Variants in FCHO1 observed in about 807,000 individuals in gnomAD.
The protein encoded by FCHO1 is F-BAR domain only protein 1.
In FCHO1, 45 loss-of-function variants were observed where a neutral mutation model predicts 114.4. The observed-to-expected ratio is 0.39, with a 90% CI of 0.31 to 0.50. The LOEUF (loss-of-function observed/expected upper bound fraction) is 0.50. FCHO1 is among the 20% of genes least tolerant of loss of function. The probability of loss-of-function intolerance (pLI) is 0.77; values close to 1 mark genes in which losing one functional copy is unlikely to be tolerated. For synonymous variants in FCHO1, 480 were observed against 488.9 expected, an observed-to-expected ratio of 0.98 and a Z score of 0.24; for missense variants, 1,042 against 1,209.6, an observed-to-expected ratio of 0.86 and a Z score of 2.06.
At chr19:17,788,248 TCCCCA>T in intron 28 of FCHO1, 31 bp from the exon 29 acceptor site, 1 of 520,216 alleles carries the variant, frequency 1.9e-6, no homozygotes, top group Non-Finnish European at 3.5e-6. Context: ...GTACCCCTCC[TCCCCA>T]CCCCTCCCCC....
upstream of FCHO1, among the ~76,000 whole-genome samples, chr19:17,748,508 G>GGC (rs1555710091): frequency 3.1e-5 from 2 of 63,762 alleles, no homozygotes; most frequent in Non-Finnish European, 6.6e-5. Flanking sequence ...GCCTGGACTT[G>GGC]GGGGGGGGGT....
At chr19:17,774,000 T>C (rs2092220640) in intron 11 of FCHO1, among the ~76,000 whole-genome samples, 2 of 151,250 alleles carry the variant, frequency 1.3e-5, no homozygotes, top group Admixed American at 6.6e-5. Flanking sequence ...AACCTCCGCC[T>C]CCTGGGTTCA....
chr19:17,750,825 T>C (rs2081738387), upstream of FCHO1, among the ~76,000 whole-genome samples: 3 of 148,860 alleles, frequency 2.0e-5, no homozygotes. Context: ...CCCCTTTCTT[T>C]TCTTTTTTTT....
At chr19:17,755,081 C>T in intron 3 of FCHO1, 37 bp from the exon 4 acceptor site, 7 of 1,348,808 alleles carry the variant, frequency 5.2e-6, no homozygotes, top group Non-Finnish European at 7.5e-6. Context: ...CCCACACTGG[C>T]AATGACTCTG....
At chr19:17,774,623 C>T in intron 13 of FCHO1, 145 bp downstream of exon 13, 5 of 645,150 alleles carry the variant, frequency 7.8e-6, no homozygotes, top group Non-Finnish European at 1.3e-5. Context: ...CTGAGCTAGA[C>T]CAGGAGTACC....
intron 3 of FCHO1, 188 bp downstream of exon 3, chr19:17,754,869 C>T (rs546753458): frequency 4.5e-5 from 20 of 446,138 alleles, no homozygotes; most frequent in Non-Finnish European, 8.3e-5. Context: ...CAGCTCTTGT[C>T]CCTCCACCTA....
chr19:17,754,959 C>A, intron 3 of FCHO1, 159 bp from the exon 4 acceptor site: 2 of 620,822 alleles, frequency 3.2e-6, no homozygotes, highest in Non-Finnish European at 2.9e-6. Flanking sequence ...GGGACCAGCA[C>A]TGGGGCTGAA....
In FCHO1 at chr19:17,775,063, C is replaced by T. The variant is rs372803308; in HGVS notation, c.928C>T (p.Leu310=). The T allele has an allele frequency of 4.4e-5, 71 of 1,613,438 alleles. No homozygotes were observed. In the Middle Eastern group the frequency reaches 9.9e-4, roughly 23 times the overall value. Residue 310 remains leucine (L), a synonymous_variant, in exon 14 of 29, where the codon CTG becomes TTG. Transcript: ENST00000596536. This position sits in a 1 kb window ranked among gnomAD's most constrained non-coding sequence, Gnocchi z 5.1. ...EPEPPAAVDF[L]EPDSGTCPEV... Reference sequence around the variant, plus strand: ...CTCTTCCTCCATCCCCAGAGATTTCCTGGAGCCCGATTCAGGGGTGAGTGA... The same window carrying T: ...CTCTTCCTCCATCCCCAGAGATTTCTTGGAGCCCGATTCAGGGGTGAGTGA...
rs550221693 is a variant in FCHO1, at chr19:17,788,280, A to G, written c.2648-4A>G. 10 of 734,100 alleles carry G rather than the reference A, an allele frequency of 1.4e-5. No homozygotes were observed. In the South Asian group the frequency reaches 1.4e-4, roughly 10 times the overall value. The allele number at this position is 734,100 out of a possible 1,614,324, so 45.5% of individuals were successfully genotyped here. On this transcript the variant is annotated splice_polypyrimidine_tract_variant and splice_region_variant and intron_variant, in intron 28 of 28. Transcript: ENST00000596536. ...CCCTCCCCCTCACAGCTGCACCCCC[A>G]CAGGGATGTACCTGGTGAGCTGCTG...
rs977363948 is a variant in FCHO1, at chr19:17,772,517, G to A, written c.655G>A (p.Ala219Thr). ...RHMKALLGSY[A>T]HSVEDTHVQI... ...CATGAAGGCACTGCTGGGCTCATAT[G>A]CTCACTCGGTGGAGGACACGCACGT... Residue 219 changes from alanine to threonine, a missense_variant, in exon 10 of 29, where the codon GCT becomes ACT. Physicochemically the swap from Ala to Thr is moderately conservative, Grantham distance 58. Transcript: ENST00000596536. The A allele has an allele frequency of 1.9e-6, 3 of 1,614,168 alleles. No homozygotes were observed. Among genetic ancestry groups the A allele is most frequent in the African/African-American group, 2.7e-5 (2 of 75,042 alleles).
Position 17,766,746 on chromosome 19 carries a change from A to C in FCHO1, c.272A>C (p.Lys91Thr), listed in dbSNP as rs966279633. The C allele has an allele frequency of 6.2e-7, 1 of 1,613,982 alleles. No homozygotes were observed. The highest frequency in any genetic ancestry group is 8.5e-7 in the Non-Finnish European group (1 of 1,180,008). Reference sequence around the variant, plus strand: ...CTGTGCCACCTGGAACTGACACGGAAGTTACAGGATCTCATCAAGGACGTT... The same window carrying C: ...CTGTGCCACCTGGAACTGACACGGACGTTACAGGATCTCATCAAGGACGTT... Reference protein sequence around the residue: ...LALCHLELTRKLQDLIKDVLR... With the variant: ...LALCHLELTRTLQDLIKDVLR... The change falls in exon 7 of 29, where the codon AAG becomes ACG. Residue 91 changes from lysine (K) to threonine (T), a missense_variant. Lys to Thr is a moderately conservative substitution (Grantham distance 78). This residue lies in a region of FCHO1 where 450 missense variants were observed against 564.1 expected (regional missense o/e 0.80). Transcript: ENST00000596536.
At chr19:17,771,428 G>A (rs1293380245) in intron 9 of FCHO1, among the ~76,000 whole-genome samples, 6 of 151,502 alleles carry the variant, frequency 4.0e-5, no homozygotes, top group African/African-American at 1.5e-4. Flanking sequence ...CAGCACTTTG[G>A]GAGGCCGAGG....
chr19:17,782,335 T>A (rs752707585), intron 23 of FCHO1, among the ~76,000 whole-genome samples: 3 of 152,066 alleles, frequency 2.0e-5, no homozygotes, highest in Admixed American at 6.6e-5. Context: ...CCCGAGTAAT[T>A]CTGGGATTAC....
chr19:17,754,472 G>T (rs530409016), intron 2 of FCHO1, 111 bp downstream of exon 2: 485 of 152,904 alleles, frequency 3.2e-3, no homozygotes, highest in Non-Finnish European at 5.7e-3. Flanking sequence ...ATAAGGTGAG[G>T]ACTGTCCTAG....
rs1288672771 is a variant in FCHO1, at chr19:17,783,057, C to T, written c.1978C>T (p.Pro660Ser). 1 of 1,614,032 alleles carries T rather than the reference C, an allele frequency of 6.2e-7. No homozygotes were observed. The highest frequency in any genetic ancestry group is 1.7e-5 in the Admixed American group (1 of 59,992). ...AACTGGGGAGCTGACCATGACCTTC[C>T]CTGCTGGCATCGTGCGTGTGTTCAG... ...RVTGELTMTF[P>S]AGIVRVFSGT... The change falls in exon 24 of 29, where the codon CCT (proline) becomes TCT (serine). Residue 660 changes from proline to serine, a missense_variant. By Grantham distance (74) the Pro-to-Ser change is moderately conservative. Coordinates refer to ENST00000596536, the MANE Select transcript of FCHO1 (RefSeq NM_015122.3).
rs112863484 is a variant in FCHO1, at chr19:17,784,631, G to A, written c.2227-94G>A. On this transcript the variant is annotated intron_variant, in intron 25 of 28. Transcript: ENST00000596536. The surrounding 1 kb of genome is among the most constrained non-coding windows in gnomAD (Gnocchi z 5.3). ...TGACTGGACCCCCTTGGGGCGGTGC[G>A]TGCATCGCAGGGTCAAGGTGGTTGA... 1.0e-2 allele frequency: 11,883 copies of A among 1,190,672 alleles called. 143 individuals are homozygous for A. The highest frequency in any genetic ancestry group is 0.053 in the African/African-American group (3,538 of 66,846). 73.8% of individuals were successfully genotyped at this position (1,190,672 alleles called of 1,614,324 possible). A position where few individuals can be genotyped will look rare whatever the true frequency, so the allele number is the denominator to read the frequency against.
intron 9 of FCHO1, 124 bp downstream of exon 9, chr19:17,771,020 G>T: frequency 1.4e-6 from 1 of 728,776 alleles, no homozygotes; most frequent in Non-Finnish European, 2.2e-6. Context: ...TTGGGAGGCC[G>T]AGGCGGGAGG....
intron 4 of FCHO1, chr19:17,758,739 G>T: frequency 6.6e-6 from 1 of 152,378 alleles, no homozygotes; most frequent in South Asian, 2.1e-4. Context: ...TTGGGAGGCT[G>T]AGATGGGAGG....
In FCHO1 at chr19:17,788,397, C is replaced by T. The variant is rs1275447842; in HGVS notation, c.*91C>T. On this transcript the variant is annotated 3_prime_UTR_variant, in exon 29 of 29. Transcript: ENST00000596536. Reference sequence around the variant, plus strand: ...CCTGCCGGACCCTGGGGCCTCCCACCCCAGCCTCCCTGAGGCCCATACTCC... The same window carrying T: ...CCTGCCGGACCCTGGGGCCTCCCACTCCAGCCTCCCTGAGGCCCATACTCC... 1.0e-6 allele frequency: 1 copy of T among 965,100 alleles called. No homozygotes were observed. Among genetic ancestry groups the T allele is most frequent in the African/African-American group, 1.6e-5 (1 of 62,280 alleles). The allele number at this position is 965,100 out of a possible 1,614,324, so 59.8% of individuals were successfully genotyped here.
Sources: gnomAD v4.1 joint callset for allele counts (sites outside exome capture counted in the v4.1 genomes callset) on GRCh38, gnomAD v4.1.1 for gene constraint, gnomAD v4.1.1 regional missense constraint, Gnocchi (gnomAD v3.1) non-coding constraint, MANE v1.5 for transcripts, NCBI Gene and HGNC (gene_info 2026-07-23, HGNC 2026-07-21) for gene names.